Variants in UBE3D observed in about 807,000 individuals in gnomAD.
UBE3D encodes the protein E3 ubiquitin-protein ligase E3D.
UBE3D carries 48 observed loss-of-function variants against 49.6 expected under a neutral mutation model. The ratio of observed to expected loss-of-function variants is 0.97; its 90% CI spans 0.77 to 1.23. UBE3D has a LOEUF of 1.23. Among genes scored for constraint, UBE3D ranks in the 50% most tolerant of loss-of-function variants. The probability of loss-of-function intolerance (pLI) is 0.00; values close to 1 mark genes in which losing one functional copy is unlikely to be tolerated. For synonymous variants in UBE3D, 189 were observed against 174.2 expected (o/e 1.08, Z -0.67); for missense variants, 452 against 468.4 (o/e 0.96, Z 0.32).
chr6:82,951,889 G>C (rs1387999120), intron 9 of UBE3D, among the ~76,000 whole-genome samples: 2 of 152,166 alleles, frequency 1.3e-5, no homozygotes, highest in African/African-American at 4.8e-5. Context: ...ACTACTTCTT[G>C]TGGAGGTAAG....
intron 1 of UBE3D, among the ~76,000 whole-genome samples, chr6:83,063,732 C>A (rs1784324626): frequency 6.6e-6 from 1 of 152,102 alleles, no homozygotes; most frequent in Non-Finnish European, 1.5e-5. Flanking sequence ...ACTGATAATA[C>A]TAAATGTAAG....
the UBE3D span, among the ~76,000 whole-genome samples, chr6:82,882,876 C>G: frequency 6.6e-6 from 1 of 152,102 alleles, no homozygotes; most frequent in Non-Finnish European, 1.5e-5. Context: ...TGCTCCGCCC[C>G]AATAAATCAA....
intron 8 of UBE3D, among the ~76,000 whole-genome samples, chr6:82,985,409 C>G (rs1056872539): frequency 7.9e-5 from 12 of 152,074 alleles, no homozygotes; most frequent in African/African-American, 2.7e-4. Flanking sequence ...GTTGCCCAGG[C>G]TGGAGTGCAG....
rs1235631190 is a variant in UBE3D at position 83,057,955 on chromosome 6, G to A, written c.145C>T (p.Pro49Ser). The A allele has an allele frequency of 2.5e-6, 4 of 1,614,110 alleles. No individual in the cohort carries two copies. Among genetic ancestry groups the A allele is most frequent in the African/African-American group, 2.7e-5 (2 of 75,018 alleles). ...AGCTGGATTTCTGTGCAGCCTTCAG[G>A]GGTTTTCATCTGGAGTGAAGATGGC... The part of the protein sequence containing the change: ...IMPSSLQMKT[P>S]EGCTEIQLPA... The change falls in exon 2 of 10, where the codon CCT becomes TCT. Residue 49 changes from proline (P) to serine (S), a missense_variant. Pro to Ser is a moderately conservative substitution (Grantham distance 74). Coordinates refer to ENST00000369747, the MANE Select transcript of UBE3D (RefSeq NM_198920.3).
At chr6:82,939,430 A>G (rs1030673721) in intron 9 of UBE3D, among the ~76,000 whole-genome samples, 3 of 152,240 alleles carry the variant, frequency 2.0e-5, no homozygotes, top group Non-Finnish European at 2.9e-5. Flanking sequence ...TCTGATCAAC[A>G]AGGGACCACA....
At chr6:83,048,888 A>C (rs1332954488) in intron 3 of UBE3D, among the ~76,000 whole-genome samples, 2 of 152,058 alleles carry the variant, frequency 1.3e-5, no homozygotes, top group African/African-American at 4.8e-5. Flanking sequence ...AATACATACC[A>C]TTTTTTTCAA....
intron 9 of UBE3D, among the ~76,000 whole-genome samples, chr6:82,954,949 T>A (rs980352688): frequency 3.3e-5 from 5 of 152,204 alleles, no homozygotes; most frequent in Non-Finnish European, 7.3e-5. Flanking sequence ...TTTCTCTGTA[T>A]CTGTGAAACT....
chr6:82,993,218 A>C (rs941878845), intron 8 of UBE3D, among the ~76,000 whole-genome samples: 3 of 151,972 alleles, frequency 2.0e-5, no homozygotes, highest in Admixed American at 6.6e-5. Context: ...TAAATGCATA[A>C]ATATAAATTC....
chr6:83,051,251 C>A (rs1414198469), intron 3 of UBE3D, among the ~76,000 whole-genome samples: 2 of 152,290 alleles, frequency 1.3e-5, no homozygotes, highest in African/African-American at 4.8e-5. Context: ...AGTCAAGAAG[C>A]TGGATTTCAA....
At chr6:82,974,000 T>C (rs566588800) in intron 8 of UBE3D, among the ~76,000 whole-genome samples, 3 of 152,314 alleles carry the variant, frequency 2.0e-5, no homozygotes, top group East Asian at 1.9e-4. Flanking sequence ...TGTCTAGTTG[T>C]AGGAAAACAG....
chr6:82,968,468 T>C (rs1777110892), intron 8 of UBE3D, among the ~76,000 whole-genome samples: 1 of 152,134 alleles, frequency 6.6e-6, no homozygotes. Flanking sequence ...TTGGTTATCT[T>C]TTCTCCCAGT....
chr6:82,976,378 A>C (rs1163704550), intron 8 of UBE3D, among the ~76,000 whole-genome samples: 1 of 152,206 alleles, frequency 6.6e-6, no homozygotes, highest in African/African-American at 2.4e-5. Context: ...TCTATTCCTG[A>C]CAGTGGCTAG....
In UBE3D at chr6:83,050,171, A is replaced by T. The variant is rs182590676; in HGVS notation, c.365+3977T>A. 5.2e-3 allele frequency among the ~76,000 whole-genome samples: 789 copies of T among 152,182 alleles called. 10 individuals carry two copies. The highest frequency in any genetic ancestry group is 0.027 in the Middle Eastern group (8 of 294). Reference sequence around the variant, plus strand: ...TGTCCTGGTGCTAGTATTAAAAGCCATTAATGAGTCTTACTGTTTAAACTG... The same window carrying T: ...TGTCCTGGTGCTAGTATTAAAAGCCTTTAATGAGTCTTACTGTTTAAACTG... On this transcript the variant is annotated intron_variant, in intron 3 of 9. Coordinates refer to ENST00000369747, the MANE Select transcript of UBE3D (RefSeq NM_198920.3).
rs117332044 is a variant in UBE3D at position 82,982,955 on chromosome 6, T to C, written c.1011-25505A>G. 6.4e-4 allele frequency among the ~76,000 whole-genome samples: 98 copies of C among 152,248 alleles called. No homozygotes were observed. The East Asian group carries it at 0.019, about 29-fold the overall frequency. On this transcript the variant is annotated intron_variant, in intron 8 of 9. Transcript: ENST00000369747. ...CACTTTTCAAAGCTATGATGGTTCATAGCATTTTCCAAATGTACTGACCAA... is the reference window on the plus strand; with the variant it reads ...CACTTTTCAAAGCTATGATGGTTCACAGCATTTTCCAAATGTACTGACCAA...
At chr6:82,960,616 G>A (rs1776481153) in intron 8 of UBE3D, among the ~76,000 whole-genome samples, 1 of 151,174 alleles carries the variant, frequency 6.6e-6, no homozygotes, top group African/African-American at 2.4e-5. Context: ...ATGGTATTAG[G>A]CAAGTTCTTA....
chr6:82,890,132 G>T (rs9359548), downstream of UBE3D, among the ~76,000 whole-genome samples: 146 of 151,992 alleles, frequency 9.6e-4, 3 homozygotes, highest in East Asian at 0.027. Context: ...AACTTCCAAG[G>T]GTCAACATTA....
At chr6:82,905,785 C>A (rs1772057892) in intron 9 of UBE3D, among the ~76,000 whole-genome samples, 1 of 152,130 alleles carries the variant, frequency 6.6e-6, no homozygotes, top group South Asian at 2.1e-4. Flanking sequence ...CTCCAATAAA[C>A]CCTTAACAGT....
In UBE3D at chr6:83,027,434, CAAAAAAA is replaced by C. The variant is rs61225462; in HGVS notation, c.668-3403_668-3397del. 5.2e-3 allele frequency among the ~76,000 whole-genome samples: 179 copies of C among 34,636 alleles called. 4 individuals carry two copies. Among genetic ancestry groups the C allele is most frequent in the South Asian group, 8.2e-3 (4 of 488 alleles). 22.7% of individuals were successfully genotyped at this position (34,636 alleles called of 152,430 possible). On this transcript the variant is annotated intron_variant, in intron 5 of 9. Coordinates refer to ENST00000369747, the MANE Select transcript of UBE3D (RefSeq NM_198920.3). Reference sequence around the variant, plus strand: ...CTGGCGACAGAGCGAGACTCCGTCTCAAAAAAAAAAAAAAAAAAAAAAAAAAAGAAAC... The same window carrying C: ...CTGGCGACAGAGCGAGACTCCGTCTCAAAAAAAAAAAAAAAAAAAAGAAAC...
At chr6:83,041,185 A>C (rs1782646438) in intron 4 of UBE3D, among the ~76,000 whole-genome samples, 1 of 152,246 alleles carries the variant, frequency 6.6e-6, no homozygotes, top group Admixed American at 6.5e-5. Context: ...TTGAAGCAGA[A>C]AATTTTTTTT....
Sources: gnomAD v4.1 joint callset for allele counts (sites outside exome capture counted in the v4.1 genomes callset) on GRCh38, gnomAD v4.1.1 for gene constraint, MANE v1.5 for transcripts, NCBI Gene and HGNC (gene_info 2026-07-23, HGNC 2026-07-21) for gene names.